Variants in TSHZ2 observed in about 807,000 individuals in gnomAD.
TSHZ2 encodes the protein teashirt zinc finger homeobox 2.
In TSHZ2, 21 loss-of-function variants were observed where a neutral mutation model predicts 74.4. The ratio of observed to expected loss-of-function variants is 0.28; its 90% CI spans 0.20 to 0.41. TSHZ2 has a LOEUF of 0.41. Among genes scored for constraint, TSHZ2 ranks in the 10% least tolerant of loss-of-function variants. The probability of loss-of-function intolerance (pLI) is 1.00; values close to 1 mark genes in which losing one functional copy is unlikely to be tolerated. For synonymous variants in TSHZ2, 540 were observed against 515.3 expected (o/e 1.05, Z -0.65); for missense variants, 1,244 against 1,293.5 (o/e 0.96, Z 0.59).
chr20:53,370,223 G>A (rs1350604656), intron 2 of TSHZ2, among the ~76,000 whole-genome samples: 3 of 152,106 alleles, frequency 2.0e-5, no homozygotes, highest in Non-Finnish European at 4.4e-5. Context: ...AGCCGACGAG[G>A]GCATGAAGGA....
At chr20:53,118,414 G>GA (rs201634016) in intron 1 of TSHZ2, among the ~76,000 whole-genome samples, 11 of 150,722 alleles carry the variant, frequency 7.3e-5, no homozygotes, top group Admixed American at 1.3e-4. Flanking sequence ...AGAGGTCTCA[G>GA]AAAAAAAAAT....
chr20:53,487,625 C>T lies in TSHZ2; in HGVS notation c.*490C>T, dbSNP rs976926231. The T allele has an allele frequency of 1.3e-5, 2 of 152,092 alleles. No homozygotes were observed. Among genetic ancestry groups the T allele is most frequent in the African/African-American group, 2.4e-5 (1 of 41,402 alleles). 9.4% of individuals were successfully genotyped at this position (152,092 alleles called of 1,614,324 possible). On this transcript the variant is annotated 3_prime_UTR_variant, in exon 3 of 3. Coordinates refer to ENST00000371497, the MANE Select transcript of TSHZ2 (RefSeq NM_173485.6). ...GTAATGTCCATTTCCTATTTATAAC[C>T]CCTCTGGGAACGTTTGTCTAAAGGA...
chr20:52,998,726 A>G (rs1311423314), intron 1 of TSHZ2, among the ~76,000 whole-genome samples: 2 of 152,132 alleles, frequency 1.3e-5, no homozygotes, highest in Non-Finnish European at 2.9e-5. Context: ...GTCCAGTTTT[A>G]TGACTCCCAC....
At chr20:53,461,342 G>GAACT (rs1226088882) in intron 2 of TSHZ2, 2 of 153,268 alleles carry the variant, frequency 1.3e-5, no homozygotes, top group East Asian at 1.9e-4. Context: ...TTAGGAAAGG[G>GAACT]AACTCCCTGA....
intron 1 of TSHZ2, among the ~76,000 whole-genome samples, chr20:53,175,027 C>T (rs572062695): frequency 6.6e-6 from 1 of 151,168 alleles, no homozygotes; most frequent in South Asian, 2.1e-4. Flanking sequence ...TTTCTGTTTG[C>T]TGGCTTTTAG....
At chr20:53,057,830 A>G (rs186694187) in intron 1 of TSHZ2, among the ~76,000 whole-genome samples, 44 of 152,298 alleles carry the variant, frequency 2.9e-4, no homozygotes, top group African/African-American at 1.1e-3. Context: ...GAGAAAGTCC[A>G]TTGTGAAGGA....
Position 53,104,166 on chromosome 20 carries a change from C to T in TSHZ2, c.40+130833C>T, listed in dbSNP as rs551489549. ...CTGGGGACATTGACCACTGGGCACG[C>T]GTGCTGTGAATTCTGCATGCCTCAA... On this transcript the variant is annotated intron_variant, in intron 1 of 2. Transcript: ENST00000371497. 4.7e-5 allele frequency among the ~76,000 whole-genome samples: 7 copies of T among 149,752 alleles called. No homozygotes were observed. In the East Asian group the frequency reaches 8.0e-4, roughly 17 times the overall value.
At chr20:53,042,033 G>A (rs1984057732) in intron 1 of TSHZ2, among the ~76,000 whole-genome samples, 1 of 151,816 alleles carries the variant, frequency 6.6e-6, no homozygotes, top group South Asian at 2.1e-4. Flanking sequence ...CTACATTGCA[G>A]CATATTACCC....
chr20:53,100,508 T>G (rs1986186672), intron 1 of TSHZ2, among the ~76,000 whole-genome samples: 1 of 152,206 alleles, frequency 6.6e-6, no homozygotes, highest in Non-Finnish European at 1.5e-5. Flanking sequence ...ATAATGCTTT[T>G]TGGCAAGCTC....
At chr20:53,274,244 T>TA in intron 2 of TSHZ2, among the ~76,000 whole-genome samples, 1 of 152,330 alleles carries the variant, frequency 6.6e-6, no homozygotes, top group East Asian at 1.9e-4. Context: ...CGCTCCAGCC[T>TA]GGCGACAGAG....
chr20:53,197,453 C>T (rs1600735889), intron 1 of TSHZ2, among the ~76,000 whole-genome samples: 1 of 152,172 alleles, frequency 6.6e-6, no homozygotes, highest in East Asian at 1.9e-4. Context: ...GTGACATTAA[C>T]ATCTTCTGTG....
At chr20:53,431,110 T>G (rs1983833317) in intron 2 of TSHZ2, among the ~76,000 whole-genome samples, 1 of 152,126 alleles carries the variant, frequency 6.6e-6, no homozygotes. Flanking sequence ...TGAGATGGAC[T>G]TGTCCAAAAT....
At chr20:53,298,689 A>G (rs1293781575) in intron 2 of TSHZ2, among the ~76,000 whole-genome samples, 2 of 152,162 alleles carry the variant, frequency 1.3e-5, no homozygotes, top group African/African-American at 4.8e-5. Flanking sequence ...AGGCGGGTAA[A>G]CCCAGGAGTG....
chr20:53,332,100 G>A (rs1219020187), intron 2 of TSHZ2, among the ~76,000 whole-genome samples: 1 of 152,142 alleles, frequency 6.6e-6, no homozygotes, highest in Non-Finnish European at 1.5e-5. Context: ...CAGATGAACT[G>A]GAGCGCACCC....
chr20:53,488,466 T>C lies in TSHZ2; in HGVS notation c.*1331T>C, dbSNP rs190137722. 431 of 156,648 alleles carry C rather than the reference T, an allele frequency of 2.8e-3. 2 individuals are homozygous for C. The highest frequency in any genetic ancestry group is 3.9e-3 in the Non-Finnish European group (276 of 70,892). The allele number at this position is 156,648 out of a possible 1,614,324, so 9.7% of individuals were successfully genotyped here. A position where few individuals can be genotyped will look rare whatever the true frequency, so the allele number is the denominator to read the frequency against. On this transcript the variant is annotated 3_prime_UTR_variant, in exon 3 of 3. Transcript: ENST00000371497. ...AGTGCACAGTTTGGAGACGCAAGGA[T>C]AGATCTGTTTACTCTAGTTGAACAT... is the stretch of plus-strand genomic sequence containing the variant.
intron 2 of TSHZ2, among the ~76,000 whole-genome samples, chr20:53,374,923 GAA>G (rs11475187): frequency 0.057 from 7,075 of 123,442 alleles, 605 homozygotes; most frequent in African/African-American, 0.18. Context: ...CTGTTGATAT[GAA>G]AAAAAAAAAA....
chr20:52,990,047 G>A (rs966138783), intron 1 of TSHZ2, among the ~76,000 whole-genome samples: 7 of 151,754 alleles, frequency 4.6e-5, no homozygotes, highest in Non-Finnish European at 8.8e-5. Context: ...CGGTTCCTCT[G>A]TTAATAGACA....
At chr20:53,252,889 T>A in intron 1 of TSHZ2, among the ~76,000 whole-genome samples, 1 of 152,230 alleles carries the variant, frequency 6.6e-6, no homozygotes. Flanking sequence ...CAGAAGATTT[T>A]ATTTGCATAC....
chr20:53,444,700 A>T (rs1355962930), intron 2 of TSHZ2, among the ~76,000 whole-genome samples: 1 of 152,186 alleles, frequency 6.6e-6, no homozygotes, highest in East Asian at 1.9e-4. Context: ...TTTCTAGGGT[A>T]TGTCAAAGTG....
Sources: gnomAD v4.1 joint callset for allele counts (sites outside exome capture counted in the v4.1 genomes callset) on GRCh38, gnomAD v4.1.1 for gene constraint, MANE v1.5 for transcripts, NCBI Gene and HGNC (gene_info 2026-07-23, HGNC 2026-07-21) for gene names.